The following DERA variants were observed in gnomAD, a reference collection of about 807,000 sequenced individuals.
The protein encoded by DERA is deoxyribose-phosphate aldolase, also known as 2-deoxy-D-ribose 5-phosphate aldolase.
DERA carries 15 observed loss-of-function variants against 41.1 expected under a neutral mutation model. The ratio of observed to expected loss-of-function variants is 0.37; its 90% CI spans 0.24 to 0.56. The LOEUF (loss-of-function observed/expected upper bound fraction) is 0.56. DERA is among the 20% of genes least tolerant of loss of function. The pLI, the probability that DERA is intolerant of heterozygous loss-of-function variation, is 0.81. For synonymous variants in DERA, 139 were observed against 137.4 expected (o/e 1.01, Z -0.08); for missense variants, 396 against 403.4 (o/e 0.98, Z 0.16).
intron 1 of DERA, among the ~76,000 whole-genome samples, chr12:15,948,913 T>G (rs1181855500): frequency 6.6e-6 from 1 of 152,206 alleles, no homozygotes; most frequent in African/African-American, 2.4e-5. Context: ...GTTTTCCTTC[T>G]AACAGTCAGG....
At chr12:15,950,828 G>T (rs955053379) in intron 1 of DERA, among the ~76,000 whole-genome samples, 1 of 152,168 alleles carries the variant, frequency 6.6e-6, no homozygotes, top group Non-Finnish European at 1.5e-5. Context: ...ATTAGGAAAG[G>T]CCTATGAGAA....
chr12:15,962,758 ACTTT>A (rs1948596592), intron 4 of DERA, 51 bp from the exon 5 acceptor site: 3 of 1,426,886 alleles, frequency 2.1e-6, no homozygotes, highest in African/African-American at 1.4e-5. Context: ...CCCCTTGCTT[ACTTT>A]CTTTCTTCCC....
At chr12:15,991,518 A>G (rs1948801757) in intron 6 of DERA, among the ~76,000 whole-genome samples, 1 of 152,184 alleles carries the variant, frequency 6.6e-6, no homozygotes, top group African/African-American at 2.4e-5. Flanking sequence ...ACATGTATCC[A>G]AATAAAAATC....
At position 16,036,795 on chromosome 12, in the gene DERA, A is replaced by C. The variant is rs1949132544; in HGVS notation, c.*49A>C. On this transcript the variant is annotated 3_prime_UTR_variant, in exon 9 of 9. Coordinates refer to ENST00000428559, the MANE Select transcript of DERA (RefSeq NM_015954.4). This position sits in a 1 kb window ranked among gnomAD's most constrained non-coding sequence, Gnocchi z 4.9. ...TTCTTTACGACAATGTTTAAAAATT[A>C]TTTTTCTACGTAATTGCTAAAATTA... is the stretch of plus-strand genomic sequence containing the variant. The C allele has an allele frequency of 2.2e-6, 3 of 1,364,974 alleles. No homozygotes were observed. Among genetic ancestry groups the C allele is most frequent in the Non-Finnish European group, 3.1e-6 (3 of 982,860 alleles). 84.6% of individuals were successfully genotyped at this position (1,364,974 alleles called of 1,614,324 possible).
Position 16,021,736 on chromosome 12 carries a change from A to C in DERA, c.638-10806A>C, listed in dbSNP as rs1372919621. ...GATTATTTTGGAGCTTTAAGACTTA[A>C]TGACTGCCCTGCTGAGTTTGGGGCT... On this transcript the variant is annotated intron_variant, in intron 6 of 8. Coordinates refer to ENST00000428559, the MANE Select transcript of DERA (RefSeq NM_015954.4). The surrounding 1 kb of genome is among the most constrained non-coding windows in gnomAD (Gnocchi z 5.3). 6.6e-6 allele frequency among the ~76,000 whole-genome samples: 1 copy of C among 152,216 alleles called. No homozygotes were observed. Among genetic ancestry groups the C allele is most frequent in the Non-Finnish European group, 1.5e-5 (1 of 68,040 alleles).
chr12:15,960,069 A>G (rs1222294193), intron 4 of DERA, 145 bp downstream of exon 4: 1 of 586,298 alleles, frequency 1.7e-6, no homozygotes. Context: ...TTTAGTATGT[A>G]CTAATTGCTT....
rs558489196 is a variant in DERA at position 15,931,857 on chromosome 12, T to C, written c.31+20443T>C. Among the ~76,000 whole-genome samples, 1 of 152,312 alleles carries C rather than the reference T, an allele frequency of 6.6e-6. No individual in the cohort carries two copies. The highest frequency in any genetic ancestry group is 2.1e-4 in the South Asian group (1 of 4,830). Reference sequence around the variant, plus strand: ...AAAATAATCTGGCTTCCTTGTTTTTTCTTCTGTTGCTTCGTCTCTTGAGGA... The same window carrying C: ...AAAATAATCTGGCTTCCTTGTTTTTCCTTCTGTTGCTTCGTCTCTTGAGGA... On this transcript the variant is annotated intron_variant, in intron 1 of 8. Transcript: ENST00000428559. This position sits in a 1 kb window ranked among gnomAD's most constrained non-coding sequence, Gnocchi z 4.6.
chr12:15,978,614 T>A (rs1481626758), intron 5 of DERA, among the ~76,000 whole-genome samples: 1 of 152,202 alleles, frequency 6.6e-6, no homozygotes, highest in East Asian at 1.9e-4. Flanking sequence ...TCTGTGCTAT[T>A]CAAAGTAGCA....
rs776905047 is a variant in DERA, at chr12:15,972,812, GA to G, written c.509-9495del. 2.0e-5 allele frequency among the ~76,000 whole-genome samples: 3 copies of G among 152,170 alleles called. No homozygotes were observed. Among genetic ancestry groups the G allele is most frequent in the Admixed American group, 6.5e-5 (1 of 15,282 alleles). On this transcript the variant is annotated intron_variant, in intron 5 of 8. Transcript: ENST00000428559. This position sits in a 1 kb window ranked among gnomAD's most constrained non-coding sequence, Gnocchi z 4.4. ...CAGTGGGAGTGGTGCGGGACTCCACGATCTAGTGCTGGACTTGGAAGTTAAT... is the reference window on the plus strand; with the variant it reads ...CAGTGGGAGTGGTGCGGGACTCCACGTCTAGTGCTGGACTTGGAAGTTAAT...
intron 5 of DERA, among the ~76,000 whole-genome samples, chr12:15,969,338 A>G (rs1194018888): frequency 6.6e-6 from 1 of 152,202 alleles, no homozygotes; most frequent in South Asian, 2.1e-4. Context: ...GGGAAATGCT[A>G]TCAGATTGCA....
intron 1 of DERA, among the ~76,000 whole-genome samples, chr12:15,932,505 C>CTGGGTGTG (rs1948335891): frequency 6.6e-6 from 1 of 151,912 alleles, no homozygotes. Flanking sequence ...CAAAAATTAG[C>CTGGGTGTG]TGGGTGTGGT....
In DERA at chr12:15,924,843, C is replaced by T. The variant is rs1471551898; in HGVS notation, c.31+13429C>T. The stretch of plus-strand genomic sequence containing the variant: ...AGATACTTTGCCTTCTTTTATGGTA[C>T]CTACCAATTTCAGCCTTGTGTTTTT... On this transcript the variant is annotated intron_variant, in intron 1 of 8. Coordinates refer to ENST00000428559, the MANE Select transcript of DERA (RefSeq NM_015954.4). The surrounding 1 kb of genome is among the most constrained non-coding windows in gnomAD (Gnocchi z 5.0). 6.6e-6 allele frequency among the ~76,000 whole-genome samples: 1 copy of T among 152,304 alleles called. No individual in the cohort carries two copies. Among genetic ancestry groups the T allele is most frequent in the Non-Finnish European group, 1.5e-5 (1 of 68,018 alleles).
In DERA at chr12:15,993,753, T is replaced by G. The variant is rs1158449548; in HGVS notation, c.637+11317T>G. On this transcript the variant is annotated intron_variant, in intron 6 of 8. Coordinates refer to ENST00000428559, the MANE Select transcript of DERA (RefSeq NM_015954.4). This position sits in a 1 kb window ranked among gnomAD's most constrained non-coding sequence, Gnocchi z 4.4. ...AAATTCAGGTCCCCAAGCAAAAATTTTATAAAGTTTACCCCCACCTGGCCC... is the reference window on the plus strand; with the variant it reads ...AAATTCAGGTCCCCAAGCAAAAATTGTATAAAGTTTACCCCCACCTGGCCC... Among the ~76,000 whole-genome samples, 7 of 152,108 alleles carry G rather than the reference T, an allele frequency of 4.6e-5. No homozygotes were observed. The highest frequency in any genetic ancestry group is 1.7e-4 in the African/African-American group (7 of 41,416).
rs1565588788 is a variant in DERA, at chr12:15,936,959, C to CCTGTCTTGTCCTGTCCCGTCCTGT, written c.32-19976_32-19975insTGTCTTGTCCTGTCCCGTCCTGTC. On this transcript the variant is annotated intron_variant, in intron 1 of 8. Coordinates refer to ENST00000428559, the MANE Select transcript of DERA (RefSeq NM_015954.4). The surrounding 1 kb of genome is among the most constrained non-coding windows in gnomAD (Gnocchi z 4.6). ...TCTTGTCCTGTCCCGTCCTGTCCTGCCCTGCCCTGCCCTGTCTTGTCTTTC... is the reference window on the plus strand; with the variant it reads ...TCTTGTCCTGTCCCGTCCTGTCCTGCCTGTCTTGTCCTGTCCCGTCCTGTCCTGCCCTGCCCTGTCTTGTCTTTC... 5.7e-5 allele frequency among the ~76,000 whole-genome samples: 8 copies of CCTGTCTTGTCCTGTCCCGTCCTGT among 139,766 alleles called. No individual in the cohort carries two copies. The highest frequency in any genetic ancestry group is 2.4e-4 in the African/African-American group (8 of 33,448). The allele number at this position is 139,766 out of a possible 152,430, so 91.7% of individuals were successfully genotyped here.
intron 1 of DERA, among the ~76,000 whole-genome samples, chr12:15,916,868 T>A (rs1278761714): frequency 2.6e-5 from 4 of 152,158 alleles, no homozygotes; most frequent in Admixed American, 1.3e-4. Context: ...CTCTGTGGCC[T>A]CCCAAGTGGC....
At chr12:15,934,939 A>G (rs1245898334) in intron 1 of DERA, among the ~76,000 whole-genome samples, 1 of 152,200 alleles carries the variant, frequency 6.6e-6, no homozygotes, top group Admixed American at 6.5e-5. Flanking sequence ...AGGTTTAAAC[A>G]TATTAAAACA....
At chr12:15,942,676 T>G (rs75508598) in intron 1 of DERA, among the ~76,000 whole-genome samples, 3,187 of 152,188 alleles carry the variant, frequency 0.021, 122 homozygotes, top group African/African-American at 0.072. Flanking sequence ...CTGGGAGTGT[T>G]AGTTTTGTTA....
At chr12:15,944,522 G>A (rs1948432282) in intron 1 of DERA, among the ~76,000 whole-genome samples, 1 of 152,178 alleles carries the variant, frequency 6.6e-6, no homozygotes, top group Non-Finnish European at 1.5e-5. Context: ...CTGCATAAAT[G>A]TCTTCTTTTG....
intron 1 of DERA, among the ~76,000 whole-genome samples, chr12:15,929,559 G>C (rs1410162233): frequency 6.6e-6 from 1 of 152,096 alleles, no homozygotes; most frequent in Non-Finnish European, 1.5e-5. Context: ...TGTTTAAGGG[G>C]TACACCTACA....
Sources: allele counts gnomAD v4.1 joint callset (sites outside exome capture counted in the v4.1 genomes callset), GRCh38; gene constraint gnomAD v4.1.1; non-coding constraint Gnocchi (gnomAD v3.1); transcripts MANE v1.5; gene names NCBI Gene and HGNC (gene_info 2026-07-23, HGNC 2026-07-21).